Variants in SEPTIN8 observed in about 807,000 individuals in gnomAD.
SEPTIN8 encodes the protein septin 8.
Under a neutral mutation model 53.1 loss-of-function variants are expected in SEPTIN8, and 22 were observed. That is an observed-to-expected ratio of 0.41 (90% CI 0.30 to 0.59). SEPTIN8 has a LOEUF of 0.59. Among genes scored for constraint, SEPTIN8 ranks in the 20% least tolerant of loss-of-function variants. The pLI, the probability that SEPTIN8 is intolerant of heterozygous loss-of-function variation, is 0.24. For missense variants in SEPTIN8, 536 were observed against 638.7 expected, an observed-to-expected ratio of 0.84 and a Z score of 1.73; for synonymous variants, 228 against 248.4, an observed-to-expected ratio of 0.92 and a Z score of 0.77.
At chr5:132,764,449 T>C (rs1365511793) in intron 2 of SEPTIN8, 30 bp from the exon 3 acceptor site, 1 of 1,581,248 alleles carries the variant, frequency 6.3e-7, no homozygotes, top group South Asian at 1.2e-5. Flanking sequence ...GGGGAAGAAG[T>C]GGGTGTCATA....
chr5:132,778,619 A>G (rs1757971824), upstream of SEPTIN8, among the ~76,000 whole-genome samples: 1 of 152,142 alleles, frequency 6.6e-6, no homozygotes, highest in African/African-American at 2.4e-5. Context: ...TCTATGGCAA[A>G]CCTTCCTGGT....
chr5:132,751,776 GT>G lies in SEPTIN8; in HGVS notation c.*239del. 1.5e-6 allele frequency: 1 copy of G among 648,968 alleles called. No individual in the cohort carries two copies. The highest frequency in any genetic ancestry group is 2.6e-6 in the Non-Finnish European group (1 of 389,752). The allele number at this position is 648,968 out of a possible 1,614,324, so 40.2% of individuals were successfully genotyped here. A position where few individuals can be genotyped will look rare whatever the true frequency, so the allele number is the denominator to read the frequency against. ...ACTTTTTTTTTTTTTTGGTCCCGGA[GT>G]GGAAGCTCAGCTTGGCCACAGGATG... On this transcript the variant is annotated 3_prime_UTR_variant, in exon 10 of 10. Coordinates refer to ENST00000378719, the MANE Select transcript of SEPTIN8 (RefSeq NM_001098811.2).
At chr5:132,777,977 A>G, upstream of SEPTIN8, 4 of 985,490 alleles carry the variant, frequency 4.1e-6, no homozygotes, top group Non-Finnish European at 4.8e-6. This position sits in a 1 kb window ranked among gnomAD's most constrained non-coding sequence, Gnocchi z 4.1. Context: ...GGCTTGGGAC[A>G]ACGTCTTAAT....
At chr5:132,777,532 G>T, upstream of SEPTIN8, 1 of 956,380 alleles carries the variant, frequency 1.0e-6, no homozygotes, top group Non-Finnish European at 1.2e-6. This position sits in a 1 kb window ranked among gnomAD's most constrained non-coding sequence, Gnocchi z 4.1. Context: ...GCCTGGGGCC[G>T]AGCCTAGGTG....
At chr5:132,756,764 G>A (rs557358689) in intron 9 of SEPTIN8, 42 of 985,444 alleles carry the variant, frequency 4.3e-5, no homozygotes, top group Middle Eastern at 5.2e-4. Context: ...AGCCAGCCAC[G>A]AGTATGGCCT....
chr5:132,755,408 T>C (rs1451939816), intron 9 of SEPTIN8, among the ~76,000 whole-genome samples: 1 of 152,188 alleles, frequency 6.6e-6, no homozygotes, highest in Admixed American at 6.5e-5. Flanking sequence ...ACACTTTCAC[T>C]ACTCTTCCAT....
chr5:132,761,641 C>T lies in SEPTIN8; in HGVS notation c.794-15G>A. The T allele has an allele frequency of 6.2e-7, 1 of 1,612,364 alleles. No homozygotes were observed. The highest frequency in any genetic ancestry group is 2.2e-5 in the East Asian group (1 of 44,882). ...CTCATTCTCCACTGAAAGCAGAGGG[C>T]CGGTGGGGTATCAGGCAGGCATGCA... On this transcript the variant is annotated splice_polypyrimidine_tract_variant and intron_variant, in intron 6 of 9. Transcript: ENST00000378719. The surrounding 1 kb of genome is among the most constrained non-coding windows in gnomAD (Gnocchi z 5.8).
chr5:132,758,352 G>A, intron 9 of SEPTIN8: 2 of 1,404,684 alleles, frequency 1.4e-6, no homozygotes, highest in South Asian at 3.5e-5. Context: ...TAAGCTGTAG[G>A]TTAGAAAAAT....
chr5:132,772,701 G>C (rs113831245), intron 1 of SEPTIN8, among the ~76,000 whole-genome samples: 2 of 152,168 alleles, frequency 1.3e-5, no homozygotes, highest in Non-Finnish European at 1.5e-5. Context: ...CACCAATACG[G>C]GTTGGCAGAG....
intron 9 of SEPTIN8, among the ~76,000 whole-genome samples, chr5:132,755,696 C>G (rs939588467): frequency 6.6e-6 from 1 of 152,208 alleles, no homozygotes; most frequent in Non-Finnish European, 1.5e-5. Context: ...GAACACTCCT[C>G]AAGGGCAGGT....
upstream of SEPTIN8, chr5:132,777,657 A>G: frequency 1.0e-6 from 1 of 985,518 alleles, no homozygotes; most frequent in Non-Finnish European, 1.2e-6. This position sits in a 1 kb window ranked among gnomAD's most constrained non-coding sequence, Gnocchi z 4.1. Context: ...GAGCCTGCAA[A>G]TGTGCTGGGA....
chr5:132,772,334 G>A (rs30531), intron 1 of SEPTIN8, among the ~76,000 whole-genome samples: 54,393 of 152,112 alleles, frequency 0.36, 16,314 homozygotes, highest in African/African-American at 0.79. Context: ...GCCAGTACTC[G>A]CCACCCCAAC....
At chr5:132,770,073 A>ATATATATGTATATATGTATATATATATG (rs1561768444) in intron 1 of SEPTIN8, among the ~76,000 whole-genome samples, 3 of 63,484 alleles carry the variant, frequency 4.7e-5, no homozygotes, top group Non-Finnish European at 6.7e-5. Context: ...GTATATATAT[A>ATATATATGTATATATGTATATATATATG]TATATATGTA....
rs1467803447 is a variant in SEPTIN8, at chr5:132,762,601, C to G, written c.579G>C (p.Lys193Asn). 6.2e-7 allele frequency: 1 copy of G among 1,614,252 alleles called. No individual in the cohort carries two copies. The highest frequency in any genetic ancestry group is 1.3e-5 in the African/African-American group (1 of 75,068). The change falls in exon 5 of 10, where the codon AAG becomes AAC. Residue 193 changes from lysine to asparagine, a missense_variant. Lys to Asn is a moderately conservative substitution (Grantham distance 94, BLOSUM62 0). Transcript: ENST00000378719. ...TGATCTTGAACTTGTGGAGCTCGCT[C>G]TTGGAGATGGTGTCAGCCTTGGCGA... ...PIIAKADTIS[K>N]SELHKFKIKI... is the part of the protein sequence containing the mutation.
intron 9 of SEPTIN8, chr5:132,758,350 A>C: frequency 7.1e-7 from 1 of 1,401,088 alleles, no homozygotes; most frequent in Non-Finnish European, 9.3e-7. Flanking sequence ...ATTAAGCTGT[A>C]GGTTAGAAAA....
At chr5:132,777,599 C>T (rs1306902851), upstream of SEPTIN8, 4 of 981,364 alleles carry the variant, frequency 4.1e-6, no homozygotes, top group Middle Eastern at 5.2e-4. The surrounding 1 kb of genome is among the most constrained non-coding windows in gnomAD (Gnocchi z 4.1). Context: ...AAGTGGGGCA[C>T]GGCGTGCGCC....
intron 4 of SEPTIN8, 92 bp downstream of exon 4, chr5:132,763,605 CAGGTCCCTG>C: frequency 8.8e-7 from 1 of 1,137,226 alleles, no homozygotes; most frequent in Non-Finnish European, 1.3e-6. Flanking sequence ...AGCCCCCGAC[CAGGTCCCTG>C]AGGACCATGG....
chr5:132,758,445 C>T, intron 9 of SEPTIN8: 1 of 1,590,414 alleles, frequency 6.3e-7, no homozygotes, highest in South Asian at 1.1e-5. Flanking sequence ...GAGTTGCCAT[C>T]TCCACGCTGA....
rs1424807375 is a variant in SEPTIN8 at position 132,776,800 on chromosome 5, G to C, written c.30+308C>G. On this transcript the variant is annotated intron_variant, in intron 1 of 9. Coordinates refer to ENST00000378719, the MANE Select transcript of SEPTIN8 (RefSeq NM_001098811.2). This position sits in a 1 kb window ranked among gnomAD's most constrained non-coding sequence, Gnocchi z 4.4. ...CCCGGACCCTCACCTGCGGCCCCGC[G>C]GGCGCCACTCTATCTTCGCACCTGC... is the stretch of plus-strand genomic sequence containing the variant. Among the ~76,000 whole-genome samples the C allele has an allele frequency of 2.0e-5, 3 of 152,118 alleles. No individual in the cohort carries two copies. Among genetic ancestry groups the C allele is most frequent in the Non-Finnish European group, 4.4e-5 (3 of 68,024 alleles).
Sources: allele counts gnomAD v4.1 joint callset (sites outside exome capture counted in the v4.1 genomes callset), GRCh38; gene constraint gnomAD v4.1.1; non-coding constraint Gnocchi (gnomAD v3.1); transcripts MANE v1.5; gene names NCBI Gene and HGNC (gene_info 2026-07-23, HGNC 2026-07-21).